Variants in CNTN4 observed in about 807,000 individuals in gnomAD.
The protein encoded by CNTN4 is contactin 4.
CNTN4 carries 77 observed loss-of-function variants against 122.5 expected under a neutral mutation model. The ratio of observed to expected loss-of-function variants is 0.63; its 90% CI spans 0.52 to 0.76. The LOEUF (loss-of-function observed/expected upper bound fraction) is 0.76. Among genes scored for constraint, CNTN4 ranks in the 30% least tolerant of loss-of-function variants. The pLI is 0.00. For missense variants in CNTN4, 1,256 were observed against 1,259.1 expected, an observed-to-expected ratio of 1.00 and a Z score of 0.04; for synonymous variants, 512 against 447.0, an observed-to-expected ratio of 1.15 and a Z score of -1.83.
At chr3:2,287,710 A>G (rs1482431143) in intron 2 of CNTN4, among the ~76,000 whole-genome samples, 1 of 61,654 alleles carries the variant, frequency 1.6e-5, no homozygotes, top group Non-Finnish European at 3.2e-5. Flanking sequence ...GAAGAAGAAG[A>G]GGAAGAAGAA....
rs539676463 is a variant in CNTN4, at chr3:2,629,016, C to A, written c.55+57458C>A. 1.4e-4 allele frequency among the ~76,000 whole-genome samples: 21 copies of A among 152,164 alleles called. 1 individual carries two copies. Among genetic ancestry groups the A allele is most frequent in the African/African-American group, 4.8e-4 (20 of 41,508 alleles). On this transcript the variant is annotated intron_variant, in intron 4 of 24. Transcript: ENST00000418658. ...AGAATAATTTAATTTGGTCAATTGTCCATAGCTGTAGTGAAATTTTGTCTT... is the reference window on the plus strand; with the variant it reads ...AGAATAATTTAATTTGGTCAATTGTACATAGCTGTAGTGAAATTTTGTCTT...
At chr3:2,468,124 G>T (rs1450146931) in intron 3 of CNTN4, among the ~76,000 whole-genome samples, 1 of 152,090 alleles carries the variant, frequency 6.6e-6, no homozygotes, top group Non-Finnish European at 1.5e-5. Flanking sequence ...CTATTCATAA[G>T]ACTGAATTTG....
In CNTN4 at chr3:2,751,017, T is replaced by C. The variant is rs114509185; in HGVS notation, c.358+5320T>C. ...CGTTGGCCCACATTAAAAGGATGCT[T>C]ATGGCCAGGCGCGATGGCTCATGCC... On this transcript the variant is annotated intron_variant, in intron 6 of 24. Coordinates refer to ENST00000418658, the MANE Select transcript of CNTN4 (RefSeq NM_175607.3). Among the ~76,000 whole-genome samples, 516 of 152,144 alleles carry C rather than the reference T, an allele frequency of 3.4e-3. 4 individuals are homozygous for C. The highest frequency in any genetic ancestry group is 0.012 in the African/African-American group (494 of 41,486).
intron 2 of CNTN4, among the ~76,000 whole-genome samples, chr3:2,189,928 T>C (rs1420665562): frequency 1.3e-5 from 2 of 152,182 alleles, no homozygotes; most frequent in African/African-American, 4.8e-5. Context: ...AGACTCATCA[T>C]TGCTCCTCAA....
chr3:2,378,141 G>A (rs9862874), intron 3 of CNTN4, among the ~76,000 whole-genome samples: 13,771 of 152,114 alleles, frequency 0.091, 1,053 homozygotes, highest in African/African-American at 0.22. Context: ...AAATAGATGC[G>A]ACAAATGGGC....
At chr3:2,798,909 A>T (rs1025372368) in intron 6 of CNTN4, among the ~76,000 whole-genome samples, 1 of 152,152 alleles carries the variant, frequency 6.6e-6, no homozygotes, top group African/African-American at 2.4e-5. Context: ...TTCTTTGAGA[A>T]ATCTCTATAC....
intron 10 of CNTN4, among the ~76,000 whole-genome samples, chr3:2,893,243 C>A (rs981225447): frequency 6.6e-6 from 1 of 152,174 alleles, no homozygotes; most frequent in African/African-American, 2.4e-5. Context: ...GATGACACTG[C>A]AAATGGTGTT....
chr3:2,853,899 G>C (rs188495802), intron 7 of CNTN4, among the ~76,000 whole-genome samples: 1 of 152,166 alleles, frequency 6.6e-6, no homozygotes, highest in African/African-American at 2.4e-5. Flanking sequence ...TGCTGGCCTT[G>C]GGGGAATGAT....
rs36104812 is a variant in CNTN4 at position 2,444,208 on chromosome 3, T to TAA, written c.-89+104991_-89+104992dup. Among the ~76,000 whole-genome samples, 125 of 136,366 alleles carry TAA rather than the reference T, an allele frequency of 9.2e-4. No individual in the cohort carries two copies. The East Asian group carries it at 0.011, about 12-fold the overall frequency. 89.5% of individuals were successfully genotyped at this position (136,366 alleles called of 152,430 possible). ...CTGCCTTATGAAGCTTGTATTCTAG[T>TAA]AAAAAAAAAAAAAAAAAGCAGAAGT... On this transcript the variant is annotated intron_variant, in intron 3 of 24. Transcript: ENST00000418658.
intron 6 of CNTN4, among the ~76,000 whole-genome samples, chr3:2,777,605 G>C (rs58773244): frequency 0.019 from 2,842 of 152,302 alleles, 106 homozygotes; most frequent in African/African-American, 0.065. Context: ...GTAGCCAGGA[G>C]AGTAGGCTTT....
intron 4 of CNTN4, among the ~76,000 whole-genome samples, chr3:2,670,221 G>C (rs2084422657): frequency 6.6e-6 from 1 of 152,166 alleles, no homozygotes; most frequent in Admixed American, 6.5e-5. Context: ...TATTGTGTGG[G>C]AGTCTAAGTC....
intron 4 of CNTN4, among the ~76,000 whole-genome samples, chr3:2,682,005 A>G (rs1256776363): frequency 6.6e-6 from 1 of 152,152 alleles, no homozygotes; most frequent in African/African-American, 2.4e-5. Context: ...AGAATGGGAT[A>G]TTTTTTGGAT....
At chr3:2,365,329 C>G (rs2045335118) in intron 3 of CNTN4, among the ~76,000 whole-genome samples, 1 of 152,210 alleles carries the variant, frequency 6.6e-6, no homozygotes, top group Admixed American at 6.5e-5. Context: ...GCCCCATTCT[C>G]TGGAGTAATG....
chr3:2,730,430 A>C lies in CNTN4; in HGVS notation c.56-5785A>C, dbSNP rs548292571. On this transcript the variant is annotated intron_variant, in intron 4 of 24. Coordinates refer to ENST00000418658, the MANE Select transcript of CNTN4 (RefSeq NM_175607.3). ...CCTGTTTCAGCCGGGAGGTTTCTTG[A>C]CACACTTTGAGAAATAATTATTTTA... Among the ~76,000 whole-genome samples, 14 of 152,048 alleles carry C rather than the reference A, an allele frequency of 9.2e-5. No homozygotes were observed. The East Asian group carries it at 1.4e-3, about 15-fold the overall frequency.
At chr3:3,024,577 C>A (rs1698575007) in intron 14 of CNTN4, among the ~76,000 whole-genome samples, 1 of 151,958 alleles carries the variant, frequency 6.6e-6, no homozygotes, top group Non-Finnish European at 1.5e-5. Flanking sequence ...ACTCATTTAA[C>A]AGTGACTAAA....
At chr3:2,210,861 A>G (rs2038584773) in intron 2 of CNTN4, among the ~76,000 whole-genome samples, 1 of 152,208 alleles carries the variant, frequency 6.6e-6, no homozygotes, top group African/African-American at 2.4e-5. Flanking sequence ...CAGAAATAAA[A>G]TCATAGAAGA....
chr3:2,122,735 A>G (rs2033884959), intron 2 of CNTN4, among the ~76,000 whole-genome samples: 1 of 152,220 alleles, frequency 6.6e-6, no homozygotes, highest in Non-Finnish European at 1.5e-5. Flanking sequence ...CAAGGTTGTC[A>G]TAATGTTTGA....
At chr3:2,459,670 G>A (rs909302419) in intron 3 of CNTN4, among the ~76,000 whole-genome samples, 2 of 152,052 alleles carry the variant, frequency 1.3e-5, no homozygotes, top group Non-Finnish European at 2.9e-5. Context: ...TCTAGAGGCG[G>A]TACTAAAGAC....
At chr3:2,537,121 G>T (rs1317724087) in intron 3 of CNTN4, among the ~76,000 whole-genome samples, 1 of 152,064 alleles carries the variant, frequency 6.6e-6, no homozygotes, top group Non-Finnish European at 1.5e-5. Flanking sequence ...GGGGAATATT[G>T]TGTTTTATGC....
Sources: gnomAD v4.1 joint callset for allele counts (sites outside exome capture counted in the v4.1 genomes callset) on GRCh38, gnomAD v4.1.1 for gene constraint, MANE v1.5 for transcripts, NCBI Gene and HGNC (gene_info 2026-07-23, HGNC 2026-07-21) for gene names.